Variants in PTPRN2 observed in about 807,000 individuals in gnomAD.
The protein encoded by PTPRN2 is receptor-type tyrosine-protein phosphatase N2.
A neutral mutation model predicts 118.8 loss-of-function variants in PTPRN2; 74 were observed. The ratio of observed to expected loss-of-function variants is 0.62; its 90% CI spans 0.52 to 0.76. PTPRN2 has a LOEUF of 0.76. PTPRN2 is among the 30% of genes least tolerant of loss of function. PTPRN2 has a pLI of 0.00. For missense variants in PTPRN2, 1,481 were observed against 1,394.4 expected, an observed-to-expected ratio of 1.06 and a Z score of -0.99; for synonymous variants, 641 against 608.0, an observed-to-expected ratio of 1.05 and a Z score of -0.80.
At chr7:158,408,170 C>G (rs1813747519) in intron 2 of PTPRN2, among the ~76,000 whole-genome samples, 1 of 152,194 alleles carries the variant, frequency 6.6e-6, no homozygotes, top group Non-Finnish European at 1.5e-5. Context: ...CACACGAGAT[C>G]CTGTGATCTG....
chr7:158,311,875 CCA>C (rs1055578940), intron 3 of PTPRN2, among the ~76,000 whole-genome samples: 6 of 120,940 alleles, frequency 5.0e-5, no homozygotes, highest in Middle Eastern at 8.8e-3. Context: ...GTGTAGACAC[CCA>C]CACACCTGCA....
chr7:157,879,170 G>A (rs1329935579), intron 12 of PTPRN2, among the ~76,000 whole-genome samples: 1 of 146,236 alleles, frequency 6.8e-6, no homozygotes, highest in Non-Finnish European at 1.5e-5. Flanking sequence ...GTGATACCGT[G>A]CACCCACACT....
intron 5 of PTPRN2, among the ~76,000 whole-genome samples, chr7:158,177,238 A>G (rs916038382): frequency 6.6e-6 from 1 of 152,156 alleles, no homozygotes; most frequent in Admixed American, 6.6e-5. Context: ...TGTCCTCATC[A>G]AGAGTTGGTT....
chr7:158,040,470 G>A (rs1362001531), intron 11 of PTPRN2, among the ~76,000 whole-genome samples: 1 of 152,010 alleles, frequency 6.6e-6, no homozygotes, highest in African/African-American at 2.4e-5. Context: ...ATCAAAGACA[G>A]GAATTTTTGG....
rs114113991 is a variant in PTPRN2 at position 158,529,544 on chromosome 7, A to G, written c.113-39759T>C. On this transcript the variant is annotated intron_variant, in intron 1 of 22. Transcript: ENST00000389418. The surrounding 1 kb of genome is among the most constrained non-coding windows in gnomAD (Gnocchi z 4.7). ...CCTCTGGAACCACAGAGTGCTCTGT[A>G]TTAGATATTTTGTGCATTTTTGACC... Among the ~76,000 whole-genome samples, 1,186 of 152,330 alleles carry G rather than the reference A, an allele frequency of 7.8e-3. 16 individuals are homozygous for G. The highest frequency in any genetic ancestry group is 0.026 in the African/African-American group (1,079 of 41,572).
chr7:157,828,862 C>G (rs1807362432), intron 12 of PTPRN2, among the ~76,000 whole-genome samples: 1 of 152,218 alleles, frequency 6.6e-6, no homozygotes, highest in Non-Finnish European at 1.5e-5. Flanking sequence ...TGCGTAACCC[C>G]CTATAAAAGT....
At chr7:158,278,549 A>G (rs751680115) in intron 3 of PTPRN2, among the ~76,000 whole-genome samples, 33 of 152,216 alleles carry the variant, frequency 2.2e-4, no homozygotes, top group Admixed American at 1.5e-3. Flanking sequence ...CCAACAATCA[A>G]TACAAACCAA....
intron 3 of PTPRN2, among the ~76,000 whole-genome samples, chr7:158,270,800 ACCCCCTCACCTGGACCG>A (rs1358422996): frequency 8.7e-4 from 10 of 11,480 alleles, no homozygotes; most frequent in East Asian, 6.4e-3. Context: ...CACCTGGACC[ACCCCCTCACCTGGACCG>A]CCCCCTCCAC....
At chr7:158,132,382 C>G (rs953011707) in intron 9 of PTPRN2, among the ~76,000 whole-genome samples, 31 of 151,938 alleles carry the variant, frequency 2.0e-4, no homozygotes, top group African/African-American at 7.2e-4. Flanking sequence ...CATACACACA[C>G]ATGCAAATAA....
At chr7:157,891,109 C>T (rs954632186) in intron 12 of PTPRN2, among the ~76,000 whole-genome samples, 5 of 152,174 alleles carry the variant, frequency 3.3e-5, no homozygotes, top group Non-Finnish European at 7.4e-5. Context: ...TCTGGTGAGG[C>T]GGGCAGGAAA....
chr7:157,936,694 A>G (rs1173533632), intron 11 of PTPRN2, among the ~76,000 whole-genome samples: 2 of 150,082 alleles, frequency 1.3e-5, no homozygotes, highest in South Asian at 2.1e-4. Flanking sequence ...GGGGGTCTAC[A>G]GTGCAGGTCT....
At chr7:158,336,901 C>T (rs1254661074) in intron 2 of PTPRN2, among the ~76,000 whole-genome samples, 4 of 104,442 alleles carry the variant, frequency 3.8e-5, no homozygotes, top group Non-Finnish European at 6.7e-5. Flanking sequence ...CACACTCTCA[C>T]CATAAGATCC....
intron 2 of PTPRN2, among the ~76,000 whole-genome samples, chr7:158,387,427 G>C (rs1001251757): frequency 2.4e-4 from 2 of 8,416 alleles, no homozygotes; most frequent in African/African-American, 6.6e-4. Flanking sequence ...CTGGAAGGCA[G>C]ATGGTGACCA....
At chr7:157,788,374 C>CAA (rs749886375) in intron 12 of PTPRN2, among the ~76,000 whole-genome samples, 2,992 of 75,468 alleles carry the variant, frequency 0.04, 182 homozygotes, top group African/African-American at 0.13. Flanking sequence ...GACTCCATCT[C>CAA]AAAAAAAAAA....
intron 6 of PTPRN2, among the ~76,000 whole-genome samples, chr7:158,146,830 G>C (rs185393866): frequency 9.9e-5 from 15 of 152,038 alleles, no homozygotes; most frequent in East Asian, 9.6e-4. Flanking sequence ...AAAATGTTTT[G>C]GAGGCCAGAG....
intron 2 of PTPRN2, among the ~76,000 whole-genome samples, chr7:158,332,301 A>G (rs1804636124): frequency 2.2e-5 from 1 of 44,562 alleles, no homozygotes; most frequent in South Asian, 1.2e-3. Context: ...TGCAGACGTC[A>G]CTCACACCCA....
chr7:158,417,981 C>T (rs1814867786), intron 2 of PTPRN2, among the ~76,000 whole-genome samples: 1 of 150,474 alleles, frequency 6.6e-6, no homozygotes. Context: ...CTCAGTGTCC[C>T]ACTGTGTTAA....
At chr7:157,614,604 C>T (rs1802633130) in intron 15 of PTPRN2, among the ~76,000 whole-genome samples, 4 of 152,178 alleles carry the variant, frequency 2.6e-5, no homozygotes, top group Admixed American at 6.5e-5. Flanking sequence ...TGTGTGATAG[C>T]AATGGCGCTG....
At chr7:158,340,418 C>G (rs1347496128) in intron 2 of PTPRN2, among the ~76,000 whole-genome samples, 3 of 65,890 alleles carry the variant, frequency 4.6e-5, no homozygotes, top group South Asian at 7.3e-4. Context: ...AGACGTCACT[C>G]ACACACACAC....
Sources: gnomAD v4.1 joint callset for allele counts (sites outside exome capture counted in the v4.1 genomes callset) on GRCh38, gnomAD v4.1.1 for gene constraint, Gnocchi (gnomAD v3.1) non-coding constraint, MANE v1.5 for transcripts, NCBI Gene and HGNC (gene_info 2026-07-23, HGNC 2026-07-21) for gene names.